Variants in EPB41 observed in about 807,000 individuals in gnomAD.
The protein encoded by EPB41 is erythrocyte membrane protein band 4.1.
A neutral mutation model predicts 108.0 loss-of-function variants in EPB41; 65 were observed. That is an observed-to-expected ratio of 0.60 (90% CI 0.49 to 0.74). EPB41 has a LOEUF of 0.74. EPB41 is among the 30% of genes least tolerant of loss of function. The pLI, the probability that EPB41 is intolerant of heterozygous loss-of-function variation, is 0.00. For missense variants in EPB41, 875 were observed against 1,037.0 expected, an observed-to-expected ratio of 0.84 and a Z score of 2.15; for synonymous variants, 336 against 358.9, an observed-to-expected ratio of 0.94 and a Z score of 0.72.
chr1:29,065,174 A>C lies in EPB41; in HGVS notation c.2184+16A>C. 1 of 1,555,738 alleles carries C rather than the reference A, an allele frequency of 6.4e-7. No homozygotes were observed. On this transcript the variant is annotated intron_variant, in intron 16 of 20. Transcript: ENST00000343067. ...AGGAGAAGGAGTGAGTACTTTGTCCACATGACCAATTGTGAAAATGGAGGG... is the reference window on the plus strand; with the variant it reads ...AGGAGAAGGAGTGAGTACTTTGTCCCCATGACCAATTGTGAAAATGGAGGG...
intron 16 of EPB41, chr1:29,071,432 C>T (rs1429455802): frequency 6.6e-6 from 1 of 152,210 alleles, no homozygotes; most frequent in African/African-American, 2.4e-5. Context: ...ATAAACCCTT[C>T]TCTGAATTAA....
At chr1:29,067,983 A>C (rs957218418) in intron 16 of EPB41, among the ~76,000 whole-genome samples, 1 of 152,178 alleles carries the variant, frequency 6.6e-6, no homozygotes, top group African/African-American at 2.4e-5. Context: ...TCAGTAGGAT[A>C]CTTAATTTTG....
chr1:28,890,876 G>A (rs1569854264), intron 1 of EPB41: 3 of 974,096 alleles, frequency 3.1e-6, no homozygotes, highest in Non-Finnish European at 2.4e-6. Flanking sequence ...CACGGGTACT[G>A]AGGTGCCCAC....
rs750809586 is a variant in EPB41 at position 29,088,045 on chromosome 1, C to CTTTTTTTTTT, written c.2185-9755_2185-9754insTTTTTTTTTT. Among the ~76,000 whole-genome samples the CTTTTTTTTTT allele has an allele frequency of 1.4e-4, 18 of 131,588 alleles. 1 individual carries two copies. Among genetic ancestry groups the CTTTTTTTTTT allele is most frequent in the South Asian group, 2.4e-4 (1 of 4,224 alleles). The allele number at this position is 131,588 out of a possible 152,430, so 86.3% of individuals were successfully genotyped here. A position where few individuals can be genotyped will look rare whatever the true frequency, so the allele number is the denominator to read the frequency against. On this transcript the variant is annotated intron_variant, in intron 16 of 20. Transcript: ENST00000343067. ...CATCTTTTTTCCTTTTTCTTTTTTTCTTTTTTTCTTTTTTTTTTGAGATGG... is the reference window on the plus strand; with the variant it reads ...CATCTTTTTTCCTTTTTCTTTTTTTCTTTTTTTTTTTTTTTTTCTTTTTTTTTTGAGATGG...
chr1:29,065,122 T>G lies in EPB41; in HGVS notation c.2148T>G (p.Thr716=), dbSNP rs756342077. 2 of 1,610,592 alleles carry G rather than the reference T, an allele frequency of 1.2e-6. No homozygotes were observed. Among genetic ancestry groups the G allele is most frequent in the Non-Finnish European group, 1.7e-6 (2 of 1,177,420 alleles). The change falls in exon 16 of 21, where the codon ACT becomes ACG. Residue 716 remains threonine, a synonymous_variant. Transcript: ENST00000343067. The part of the protein sequence containing the change: ...KRLSTHSPFR[T]LNINGQIPTG... ...TATCCACTCACTCACCCTTCCGAAC[T>G]CTTAACATCAATGGGCAAATCCCCA...
At chr1:29,067,723 G>C (rs1259375898) in intron 16 of EPB41, among the ~76,000 whole-genome samples, 1 of 151,382 alleles carries the variant, frequency 6.6e-6, no homozygotes, top group Admixed American at 6.6e-5. Context: ...TTCAAAGTGT[G>C]ACTAAAATTG....
chr1:28,906,011 G>C (rs2091796883), intron 1 of EPB41, among the ~76,000 whole-genome samples: 1 of 151,940 alleles, frequency 6.6e-6, no homozygotes, highest in African/African-American at 2.4e-5. Flanking sequence ...TAGAGATATG[G>C]TTTTGCCATG....
At chr1:28,983,146 A>G (rs2095797305) in intron 1 of EPB41, among the ~76,000 whole-genome samples, 3 of 152,228 alleles carry the variant, frequency 2.0e-5, no homozygotes, top group Non-Finnish European at 4.4e-5. Flanking sequence ...TGGATTTGCC[A>G]TACTCTATGT....
chr1:29,086,414 C>T (rs1558274184), intron 16 of EPB41, among the ~76,000 whole-genome samples: 1 of 151,780 alleles, frequency 6.6e-6, no homozygotes, highest in African/African-American at 2.4e-5. Context: ...GCTAGGACTA[C>T]AGGCACATGC....
At chr1:29,078,358 C>T (rs1252991614) in intron 16 of EPB41, among the ~76,000 whole-genome samples, 1 of 152,182 alleles carries the variant, frequency 6.6e-6, no homozygotes, top group Non-Finnish European at 1.5e-5. Flanking sequence ...TTAGCATCTT[C>T]ACTCAATGTC....
intron 2 of EPB41, among the ~76,000 whole-genome samples, chr1:28,988,487 G>C (rs1001653875): frequency 5.3e-5 from 8 of 152,048 alleles, no homozygotes; most frequent in South Asian, 2.1e-4. Flanking sequence ...AGCCTCCCGA[G>C]TAGCTGGGAT....
intron 1 of EPB41, among the ~76,000 whole-genome samples, chr1:28,922,587 C>CG (rs1232016659): frequency 6.6e-6 from 1 of 151,030 alleles, no homozygotes; most frequent in Non-Finnish European, 1.5e-5. Context: ...TGCATGCCAC[C>CG]GTGCCCCGCC....
chr1:28,925,029 G>A (rs1282649663), intron 1 of EPB41, among the ~76,000 whole-genome samples: 3 of 150,356 alleles, frequency 2.0e-5, no homozygotes, highest in Non-Finnish European at 4.4e-5. Context: ...GCAGTAGCGC[G>A]ATCTCGGCTC....
intron 1 of EPB41, among the ~76,000 whole-genome samples, chr1:28,938,200 A>G (rs1212687005): frequency 6.6e-6 from 1 of 152,162 alleles, no homozygotes; most frequent in Non-Finnish European, 1.5e-5. Context: ...TTGTATTTCC[A>G]TATGAATTTT....
chr1:28,891,787 G>C (rs146532198), intron 1 of EPB41, among the ~76,000 whole-genome samples: 13 of 152,136 alleles, frequency 8.5e-5, no homozygotes, highest in African/African-American at 2.9e-4. Context: ...CTGGAGAGAA[G>C]CCCTAAGAAT....
At chr1:28,934,197 T>C (rs533120384) in intron 1 of EPB41, among the ~76,000 whole-genome samples, 17 of 152,314 alleles carry the variant, frequency 1.1e-4, no homozygotes, top group Admixed American at 3.9e-4. Context: ...TTTGTCATTA[T>C]TAGACTTGAT....
chr1:29,110,126 A>G (rs1668660855), intron 18 of EPB41, among the ~76,000 whole-genome samples: 1 of 151,826 alleles, frequency 6.6e-6, no homozygotes, highest in African/African-American at 2.4e-5. Context: ...CCTTTAGCCC[A>G]GGAGTTTGAG....
intron 18 of EPB41, chr1:29,109,645 A>G: frequency 3.3e-6 from 2 of 609,234 alleles, no homozygotes; most frequent in Non-Finnish European, 5.9e-6. Flanking sequence ...ATCCCTGCCT[A>G]CTTAGTAGTC....
chr1:29,064,382 A>G (rs1430409021), intron 15 of EPB41, among the ~76,000 whole-genome samples: 1 of 152,312 alleles, frequency 6.6e-6, no homozygotes, highest in Non-Finnish European at 1.5e-5. Context: ...GAATTTCAGT[A>G]ATAAATTCTT....
Sources: gnomAD v4.1 joint callset for allele counts (sites outside exome capture counted in the v4.1 genomes callset) on GRCh38, gnomAD v4.1.1 for gene constraint, MANE v1.5 for transcripts, NCBI Gene and HGNC (gene_info 2026-07-23, HGNC 2026-07-21) for gene names.